IMMP2L: variants seen among roughly 807,000 people sequenced by gnomAD.
IMMP2L encodes the protein mitochondrial inner membrane protease subunit 2.
In IMMP2L, 18 loss-of-function variants were observed where a neutral mutation model predicts 19.3. The observed-to-expected ratio is 0.93, with a 90% CI of 0.64 to 1.38. The LOEUF (loss-of-function observed/expected upper bound fraction) is 1.38. IMMP2L is among the 40% of genes most tolerant of loss of function. The pLI is 0.00. For missense variants in IMMP2L, 233 were observed against 218.2 expected, an observed-to-expected ratio of 1.07 and a Z score of -0.43; for synonymous variants, 76 against 73.0, an observed-to-expected ratio of 1.04 and a Z score of -0.21.
chr7:111,342,812 G>C (rs1459489388), intron 3 of IMMP2L, among the ~76,000 whole-genome samples: 1 of 151,890 alleles, frequency 6.6e-6, no homozygotes, highest in Non-Finnish European at 1.5e-5. Flanking sequence ...GTAGTAGTAA[G>C]TATTCACTCT....
chr7:110,943,381 G>C (rs1816923077), intron 4 of IMMP2L, among the ~76,000 whole-genome samples: 1 of 152,012 alleles, frequency 6.6e-6, no homozygotes, highest in African/African-American at 2.4e-5. Flanking sequence ...CTTTAGTAGA[G>C]TGTATCCTTG....
chr7:111,286,786 T>C (rs114763216), intron 3 of IMMP2L, among the ~76,000 whole-genome samples: 2,878 of 152,200 alleles, frequency 0.019, 95 homozygotes, highest in African/African-American at 0.066. Flanking sequence ...CCATGATTTC[T>C]CTCAGAAAAT....
intron 5 of IMMP2L, among the ~76,000 whole-genome samples, chr7:110,752,445 T>C (rs951837433): frequency 4.6e-5 from 7 of 152,110 alleles, no homozygotes; most frequent in African/African-American, 1.7e-4. Context: ...TTTCTATTTA[T>C]ATATACACAT....
intron 3 of IMMP2L, among the ~76,000 whole-genome samples, chr7:111,164,228 A>G (rs985786266): frequency 5.9e-5 from 9 of 152,004 alleles, no homozygotes; most frequent in African/African-American, 2.2e-4. Flanking sequence ...CAATTGGCCA[A>G]CTTCAGACAT....
intron 5 of IMMP2L, among the ~76,000 whole-genome samples, chr7:110,668,055 A>G (rs1159717005): frequency 6.6e-6 from 1 of 152,092 alleles, no homozygotes; most frequent in East Asian, 1.9e-4. Flanking sequence ...TTTACTCTCA[A>G]CAATATATCC....
At chr7:111,370,161 T>C (rs1244461079) in intron 3 of IMMP2L, among the ~76,000 whole-genome samples, 3 of 152,020 alleles carry the variant, frequency 2.0e-5, no homozygotes, top group South Asian at 4.1e-4. Context: ...ACTGAGCAAG[T>C]TGTTTGGAAA....
intron 3 of IMMP2L, among the ~76,000 whole-genome samples, chr7:111,174,747 A>G (rs1008978432): frequency 6.6e-6 from 1 of 151,860 alleles, no homozygotes; most frequent in African/African-American, 2.4e-5. Flanking sequence ...CAGATGCACA[A>G]ACTCAAATTG....
At chr7:111,273,764 C>T (rs1818730548) in intron 3 of IMMP2L, among the ~76,000 whole-genome samples, 1 of 151,950 alleles carries the variant, frequency 6.6e-6, no homozygotes, top group Admixed American at 6.6e-5. Context: ...ACAAATATTA[C>T]ATGGAATATT....
At chr7:110,955,014 T>C (rs568767034) in intron 4 of IMMP2L, among the ~76,000 whole-genome samples, 1 of 152,184 alleles carries the variant, frequency 6.6e-6, no homozygotes, top group East Asian at 1.9e-4. Flanking sequence ...GCTAAACTGT[T>C]TACACAAATA....
intron 3 of IMMP2L, among the ~76,000 whole-genome samples, chr7:111,320,541 A>C (rs955841983): frequency 6.6e-6 from 1 of 152,056 alleles, no homozygotes; most frequent in Non-Finnish European, 1.5e-5. Flanking sequence ...CCCTCAGATC[A>C]AGTCCAAACT....
chr7:110,983,694 C>T (rs1353504251), intron 3 of IMMP2L, among the ~76,000 whole-genome samples: 1 of 151,690 alleles, frequency 6.6e-6, no homozygotes, highest in Non-Finnish European at 1.5e-5. Flanking sequence ...GAAGCACTGT[C>T]CAATTAGAAG....
At chr7:110,682,466 T>C (rs116174186) in intron 5 of IMMP2L, among the ~76,000 whole-genome samples, 1,822 of 152,182 alleles carry the variant, frequency 0.012, 33 homozygotes, top group African/African-American at 0.038. Flanking sequence ...CTCAAAAAAG[T>C]TTGTCAGTTG....
chr7:111,281,216 A>AAGAAAGAAAGAAAGAAAG (rs1293249599), intron 3 of IMMP2L, among the ~76,000 whole-genome samples: 7 of 38,788 alleles, frequency 1.8e-4, no homozygotes, highest in African/African-American at 6.8e-4. Context: ...GAAAGAAAGA[A>AAGAAAGAAAGAAAGAAAG]AAAGAAAGAA....
intron 3 of IMMP2L, among the ~76,000 whole-genome samples, chr7:111,382,821 G>T (rs1563124960): frequency 1.3e-5 from 2 of 152,050 alleles, no homozygotes; most frequent in Non-Finnish European, 2.9e-5. Flanking sequence ...TCAGAAGCAG[G>T]TAAGAACTCT....
chr7:111,545,652 T>C (rs1423488512), intron 1 of IMMP2L, among the ~76,000 whole-genome samples: 1 of 152,152 alleles, frequency 6.6e-6, no homozygotes, highest in African/African-American at 2.4e-5. Flanking sequence ...TCTCAAATTA[T>C]ATACTGTGGA....
chr7:111,359,962 T>C (rs546591780), intron 3 of IMMP2L, among the ~76,000 whole-genome samples: 1 of 152,246 alleles, frequency 6.6e-6, no homozygotes, highest in Admixed American at 6.6e-5. Context: ...TTTCATACTA[T>C]TATAATTACT....
At chr7:111,422,340 C>T (rs867001275) in intron 3 of IMMP2L, among the ~76,000 whole-genome samples, 75 of 151,942 alleles carry the variant, frequency 4.9e-4, no homozygotes, top group African/African-American at 1.7e-3. Flanking sequence ...GATATTGATT[C>T]TTCCTATCCA....
intron 3 of IMMP2L, among the ~76,000 whole-genome samples, chr7:110,970,512 T>C (rs2129556494): frequency 6.6e-6 from 1 of 152,198 alleles, no homozygotes; most frequent in South Asian, 2.1e-4. Context: ...AAACTTCTGG[T>C]TGTGAAAATC....
At chr7:111,203,319 C>A (rs1810350445) in intron 3 of IMMP2L, among the ~76,000 whole-genome samples, 1 of 151,822 alleles carries the variant, frequency 6.6e-6, no homozygotes, top group Non-Finnish European at 1.5e-5. Flanking sequence ...ATACCAGTCC[C>A]TGTTCTCATG....
Sources: gnomAD v4.1 joint callset for allele counts (sites outside exome capture counted in the v4.1 genomes callset) on GRCh38, gnomAD v4.1.1 for gene constraint, MANE v1.5 for transcripts, NCBI Gene and HGNC (gene_info 2026-07-23, HGNC 2026-07-21) for gene names.